RALGAPA2: variants seen among roughly 807,000 people sequenced by gnomAD.
RALGAPA2 encodes the protein Ral GTPase activating protein catalytic subunit alpha 2.
RALGAPA2 carries 139 observed loss-of-function variants against 230.4 expected under a neutral mutation model. The ratio of observed to expected loss-of-function variants is 0.60; its 90% CI spans 0.53 to 0.69. RALGAPA2 has a LOEUF of 0.69. Among genes scored for constraint, RALGAPA2 ranks in the 30% least tolerant of loss-of-function variants. The pLI is 0.00. For synonymous variants in RALGAPA2, 847 were observed against 837.8 expected, an observed-to-expected ratio of 1.01 and a Z score of -0.19; for missense variants, 2,163 against 2,276.0, an observed-to-expected ratio of 0.95 and a Z score of 1.01.
chr20:20,514,654 G>A (rs2062817279), intron 31 of RALGAPA2, among the ~76,000 whole-genome samples: 1 of 152,160 alleles, frequency 6.6e-6, no homozygotes, highest in Non-Finnish European at 1.5e-5. Context: ...TCAGCAGACT[G>A]AGCTAACTTG....
At chr20:20,410,253 GA>G (rs2122754048) in intron 38 of RALGAPA2, among the ~76,000 whole-genome samples, 1 of 152,260 alleles carries the variant, frequency 6.6e-6, no homozygotes, top group East Asian at 1.9e-4. Context: ...TGGATGTTTG[GA>G]AAAGATCAAA....
chr20:20,621,715 T>C (rs142870577), intron 10 of RALGAPA2, among the ~76,000 whole-genome samples: 148 of 152,346 alleles, frequency 9.7e-4, no homozygotes, highest in African/African-American at 3.4e-3. Flanking sequence ...TGTGAGAAGA[T>C]TCCAATAATG....
In RALGAPA2 at chr20:20,616,028, T is replaced by G. The variant is rs940731600; in HGVS notation, c.1688+15A>C. On this transcript the variant is annotated intron_variant, in intron 13 of 39. Coordinates refer to ENST00000202677, the MANE Select transcript of RALGAPA2 (RefSeq NM_020343.4). ...CATCTGTTTTACAATACTAATTAATTTGATATAAACTTACCATGTCTTTTT... is the reference window on the plus strand; with the variant it reads ...CATCTGTTTTACAATACTAATTAATGTGATATAAACTTACCATGTCTTTTT... The G allele has an allele frequency of 1.5e-5, 21 of 1,437,130 alleles. No homozygotes were observed. The highest frequency in any genetic ancestry group is 1.9e-5 in the Non-Finnish European group (21 of 1,081,616). 89.0% of individuals were successfully genotyped at this position (1,437,130 alleles called of 1,614,324 possible).
chr20:20,571,362 C>T, intron 23 of RALGAPA2, 96 bp downstream of exon 23: 1 of 1,306,446 alleles, frequency 7.7e-7, no homozygotes, highest in Non-Finnish European at 1.0e-6. Context: ...AAATTCAACA[C>T]TTCTGATGTA....
rs2059618444 is a variant in RALGAPA2, at chr20:20,392,363, G to A, written c.*926C>T. On this transcript the variant is annotated 3_prime_UTR_variant, in exon 40 of 40. Coordinates refer to ENST00000202677, the MANE Select transcript of RALGAPA2 (RefSeq NM_020343.4). ...CTGGGCAACAGACAGGAGCAGCAAA[G>A]TTGCAGCGTGAGGCTTTTGGAGGCA... is the stretch of plus-strand genomic sequence containing the variant. 1 of 152,264 alleles carries A rather than the reference G, an allele frequency of 6.6e-6. No individual in the cohort carries two copies. The highest frequency in any genetic ancestry group is 2.1e-4 in the South Asian group (1 of 4,834). 9.4% of individuals were successfully genotyped at this position (152,264 alleles called of 1,614,324 possible). A position where few individuals can be genotyped will look rare whatever the true frequency, so the allele number is the denominator to read the frequency against.
chr20:20,693,250 T>C (rs539171648), intron 1 of RALGAPA2, among the ~76,000 whole-genome samples: 1 of 152,334 alleles, frequency 6.6e-6, no homozygotes, highest in Admixed American at 6.5e-5. Context: ...CTATTTTTAC[T>C]TAACATTTTT....
At chr20:20,686,533 GAA>G (rs571303541) in intron 1 of RALGAPA2, among the ~76,000 whole-genome samples, 3 of 105,600 alleles carry the variant, frequency 2.8e-5, no homozygotes, top group Admixed American at 9.9e-5. Context: ...CTACACCTCA[GAA>G]AAAAAAAAAA....
intron 3 of RALGAPA2, among the ~76,000 whole-genome samples, chr20:20,658,779 T>A (rs1396882973): frequency 6.6e-6 from 1 of 152,244 alleles, no homozygotes; most frequent in East Asian, 1.9e-4. Flanking sequence ...CACAAGATGC[T>A]ATAGTCTACT....
intron 13 of RALGAPA2, among the ~76,000 whole-genome samples, chr20:20,615,756 C>G (rs1027848561): frequency 1.4e-5 from 2 of 143,142 alleles, no homozygotes; most frequent in Non-Finnish European, 3.0e-5. Context: ...TTATAAAACA[C>G]CAGTTGCTGC....
chr20:20,524,921 A>T, intron 28 of RALGAPA2, 23 bp from the exon 29 acceptor site: 1 of 1,584,910 alleles, frequency 6.3e-7, no homozygotes, highest in Non-Finnish European at 8.6e-7. Flanking sequence ...TAAATCCCCA[A>T]TCAAACAGAC....
At position 20,629,419 on chromosome 20, in the gene RALGAPA2, G is replaced by A. The variant is rs146624131; in HGVS notation, c.1177C>T (p.Arg393Trp). Residue 393 changes from arginine to tryptophan, a missense_variant, in exon 10 of 40, where the codon CGG becomes TGG. Transcript: ENST00000202677. The stretch of plus-strand genomic sequence containing the variant: ...TAACCTCGTGTTGACAAGAGAATCC[G>A]CTGTACCATTTCATACACCATTCGG... ...EHRMVYEMVQRILLSTRGYVN... is the reference protein window; with the variant it reads ...EHRMVYEMVQWILLSTRGYVN... The A allele has an allele frequency of 5.9e-4, 946 of 1,613,394 alleles. 2 individuals carry two copies. Among genetic ancestry groups the A allele is most frequent in the Non-Finnish European group, 7.4e-4 (868 of 1,179,776 alleles).
chr20:20,572,982 A>G lies in RALGAPA2; in HGVS notation c.2794T>C (p.Trp932Arg), dbSNP rs969624490. The change falls in exon 21 of 40, where the codon TGG becomes CGG. Residue 932 changes from tryptophan (W) to arginine (R), a missense_variant. Physicochemically the swap from Trp to Arg is moderately radical, Grantham distance 101. Coordinates refer to ENST00000202677, the MANE Select transcript of RALGAPA2 (RefSeq NM_020343.4). Reference sequence around the variant, plus strand: ...CCGAGGATCCCCAAGACCCTTCGCCATAACACAGCAGCAGAGTCTGGGTGC... The same window carrying G: ...CCGAGGATCCCCAAGACCCTTCGCCGTAACACAGCAGCAGAGTCTGGGTGC... ...GWHPDSAAVL[W>R]RRVLGILGDV... 5 of 1,608,840 alleles carry G rather than the reference A, an allele frequency of 3.1e-6. No individual in the cohort carries two copies. The highest frequency in any genetic ancestry group is 4.2e-6 in the Non-Finnish European group (5 of 1,177,616).
rs372605657 is a variant in RALGAPA2 at position 20,520,896 on chromosome 20, C to G, written c.4084+21G>C. On this transcript the variant is annotated intron_variant, in intron 31 of 39. Coordinates refer to ENST00000202677, the MANE Select transcript of RALGAPA2 (RefSeq NM_020343.4). Reference sequence around the variant, plus strand: ...CTTCCTTTTCCTTCCCACAAGATTTCATACCTGAAAGAATACTCACCCTCT... The same window carrying G: ...CTTCCTTTTCCTTCCCACAAGATTTGATACCTGAAAGAATACTCACCCTCT... The G allele has an allele frequency of 2.6e-6, 4 of 1,531,604 alleles. No homozygotes were observed. The East Asian group carries it at 7.1e-5, about 27-fold the overall frequency. 94.9% of individuals were successfully genotyped at this position (1,531,604 alleles called of 1,614,324 possible).
chr20:20,519,688 C>T (rs1471900140), intron 31 of RALGAPA2, among the ~76,000 whole-genome samples: 1 of 152,174 alleles, frequency 6.6e-6, no homozygotes, highest in Non-Finnish European at 1.5e-5. Flanking sequence ...CCTTGACTTG[C>T]TAGAAATGAC....
intron 3 of RALGAPA2, among the ~76,000 whole-genome samples, chr20:20,664,223 A>G (rs2067882368): frequency 6.6e-6 from 1 of 152,250 alleles, no homozygotes; most frequent in Non-Finnish European, 1.5e-5. Context: ...CTACCGTATT[A>G]AGTAGTAAAA....
intron 37 of RALGAPA2, among the ~76,000 whole-genome samples, chr20:20,439,939 C>T (rs887935577): frequency 6.6e-6 from 1 of 152,188 alleles, no homozygotes; most frequent in Non-Finnish European, 1.5e-5. Flanking sequence ...TTTGTTCTTG[C>T]TGTTTGGGGA....
At chr20:20,645,106 CTTTTTTTTTTT>C (rs71198064) in intron 4 of RALGAPA2, among the ~76,000 whole-genome samples, 53 of 59,482 alleles carry the variant, frequency 8.9e-4, no homozygotes, top group Middle Eastern at 0.033. Context: ...GGTGGTGGTG[CTTTTTTTTTTT>C]TTTTTTTTTT....
intron 37 of RALGAPA2, among the ~76,000 whole-genome samples, chr20:20,442,306 C>T (rs1476615237): frequency 1.3e-5 from 2 of 152,174 alleles, no homozygotes; most frequent in African/African-American, 4.8e-5. Flanking sequence ...ATAGATTGGC[C>T]AAGAGATACT....
intron 24 of RALGAPA2, among the ~76,000 whole-genome samples, chr20:20,540,417 A>ATATAACATTATATAACATTTATAGC (rs1380165796): frequency 6.6e-6 from 1 of 152,252 alleles, no homozygotes; most frequent in African/African-American, 2.4e-5. Flanking sequence ...AACATTACAT[A>ATATAACATTATATAACATTTATAGC]ACATTGATAT....
Sources: gnomAD v4.1 joint callset for allele counts (sites outside exome capture counted in the v4.1 genomes callset) on GRCh38, gnomAD v4.1.1 for gene constraint, MANE v1.5 for transcripts, NCBI Gene and HGNC (gene_info 2026-07-23, HGNC 2026-07-21) for gene names.